Variants in PCDHGA1 observed in about 807,000 individuals in gnomAD.
PCDHGA1 encodes protocadherin gamma subfamily A, 1, also known as protocadherin gamma-A1.
In PCDHGA1, 32 loss-of-function variants were observed where a neutral mutation model predicts 58.0. The observed-to-expected ratio is 0.55, with a 90% CI of 0.42 to 0.74. The LOEUF is 0.74. Ranked by LOEUF, PCDHGA1 falls within the 30% of genes least tolerant of loss-of-function variation. The pLI is 0.00. For missense variants in PCDHGA1, 1,205 were observed against 1,182.3 expected, an observed-to-expected ratio of 1.02 and a Z score of -0.28; for synonymous variants, 498 against 501.1, an observed-to-expected ratio of 0.99 and a Z score of 0.08.
rs376466215 is a variant in PCDHGA1, at chr5:141,390,102, A to G, written c.2421+56997A>G. ...TAAATCCGAATCCGTGGTTCCCCCC[A>G]ACTACAGCGAGGGGACTTTGCCTTA... is the stretch of plus-strand genomic sequence containing the variant. On this transcript the variant is annotated intron_variant, in intron 1 of 3. Transcript: ENST00000517417. The G allele has an allele frequency of 4.3e-6, 7 of 1,613,886 alleles. No homozygotes were observed. The African/African-American group carries it at 6.7e-5, about 15-fold the overall frequency.
chr5:141,384,717 C>T (rs575459465), intron 1 of PCDHGA1: 3 of 1,614,166 alleles, frequency 1.9e-6, no homozygotes, highest in African/African-American at 2.7e-5. Flanking sequence ...GGCTGTCATA[C>T]CTCCTGCTTA....
Position 141,490,867 on chromosome 5 carries a change from C to G in PCDHGA1, c.2422-3940C>G. ...GGGGGTTCGAGACTCCGGCTCTCCC[C>G]CATTGCATGCCAACACATCTCTGCA... On this transcript the variant is annotated intron_variant, in intron 1 of 3. Coordinates refer to ENST00000517417, the MANE Select transcript of PCDHGA1 (RefSeq NM_018912.3). This position sits in a 1 kb window ranked among gnomAD's most constrained non-coding sequence, Gnocchi z 5.4. 6.2e-7 allele frequency: 1 copy of G among 1,613,912 alleles called. No individual in the cohort carries two copies. The highest frequency in any genetic ancestry group is 8.5e-7 in the Non-Finnish European group (1 of 1,179,936).
Position 141,422,468 on chromosome 5 carries a change from A to T in PCDHGA1, c.2422-72339A>T, listed in dbSNP as rs555211298. On this transcript the variant is annotated intron_variant, in intron 1 of 3. Transcript: ENST00000517417. ...ATAACAAGCAGAGTGCTGGACAGGG[A>T]GTTGGTCCAGAGCTACAATATAACG... 59 of 1,613,640 alleles carry T rather than the reference A, an allele frequency of 3.7e-5. No homozygotes were observed. In the South Asian group the frequency reaches 4.7e-4, roughly 13 times the overall value.
At chr5:141,481,524 A>G (rs186970700) in intron 1 of PCDHGA1, among the ~76,000 whole-genome samples, 4 of 152,240 alleles carry the variant, frequency 2.6e-5, no homozygotes, top group African/African-American at 9.6e-5. Flanking sequence ...CTCAGTAAAA[A>G]TCTAGAGATG....
intron 1 of PCDHGA1, chr5:141,352,437 G>C (rs754792200): frequency 6.2e-7 from 1 of 1,614,034 alleles, no homozygotes; most frequent in Non-Finnish European, 8.5e-7. Context: ...TTTCAAACCG[G>C]TCTCTGCTCC....
chr5:141,449,562 C>T (rs1374591292), intron 1 of PCDHGA1, among the ~76,000 whole-genome samples: 1 of 143,862 alleles, frequency 7.0e-6, no homozygotes, highest in East Asian at 2.0e-4. Context: ...GCACTCCAGC[C>T]TGGGCGACAG....
intron 1 of PCDHGA1, among the ~76,000 whole-genome samples, chr5:141,455,322 G>A (rs376682363): frequency 1.3e-5 from 2 of 152,134 alleles, no homozygotes; most frequent in East Asian, 3.9e-4. Context: ...TTTTGTGTGT[G>A]TGTTTGTGGT....
At chr5:141,416,832 A>T (rs2154546669) in intron 1 of PCDHGA1, 1 of 152,168 alleles carries the variant, frequency 6.6e-6, no homozygotes, top group East Asian at 1.9e-4. Context: ...GTTTCTCAAG[A>T]CCCTTATAAT....
intron 1 of PCDHGA1, chr5:141,345,918 G>A (rs555216092): frequency 6.2e-7 from 1 of 1,613,320 alleles, no homozygotes; most frequent in East Asian, 2.2e-5. Context: ...GGTGCGCACG[G>A]CGCGAGCCCT....
chr5:141,383,721 T>C lies in PCDHGA1; in HGVS notation c.2421+50616T>C, dbSNP rs990608432. The C allele has an allele frequency of 6.2e-6, 10 of 1,613,892 alleles. No individual in the cohort carries two copies. The South Asian group carries it at 6.6e-5, about 11-fold the overall frequency. On this transcript the variant is annotated intron_variant, in intron 1 of 3. Coordinates refer to ENST00000517417, the MANE Select transcript of PCDHGA1 (RefSeq NM_018912.3). ...CTATCGACCTGGACGAGGGAGTCAA[T>C]GGGGAAGTGACATATTCTTTTCGGA...
chr5:141,427,915 T>C lies in PCDHGA1; in HGVS notation c.2422-66892T>C, dbSNP rs779333176. ...GGCTCGCCCGCGCTCAGCGCCAACATGAGCCGGCGCATGTTGGTGGGCGAC... is the reference window on the plus strand; with the variant it reads ...GGCTCGCCCGCGCTCAGCGCCAACACGAGCCGGCGCATGTTGGTGGGCGAC... On this transcript the variant is annotated intron_variant, in intron 1 of 3. Transcript: ENST00000517417. The C allele has an allele frequency of 7.0e-6, 11 of 1,578,094 alleles. No individual in the cohort carries two copies. In the Admixed American group the frequency reaches 8.4e-5, roughly 12 times the overall value.
At chr5:141,345,144 G>C in intron 1 of PCDHGA1, 1 of 1,613,994 alleles carries the variant, frequency 6.2e-7, no homozygotes, top group Non-Finnish European at 8.5e-7. Context: ...TCTTATCGAC[G>C]TGCATGACCG....
At chr5:141,382,671 T>C in intron 1 of PCDHGA1, 1 of 434,850 alleles carries the variant, frequency 2.3e-6, no homozygotes, top group Non-Finnish European at 4.0e-6. Context: ...GCGCCGCTGT[T>C]CACCAACCAG....
chr5:141,414,776 T>G (rs766689016), intron 1 of PCDHGA1: 14 of 1,614,212 alleles, frequency 8.7e-6, no homozygotes, highest in Non-Finnish European at 1.1e-5. Context: ...GAGCTACAGA[T>G]GCAGGTGACA....
chr5:141,350,969 C>T lies in PCDHGA1; in HGVS notation c.2421+17864C>T, dbSNP rs745995257. 4.3e-6 allele frequency: 7 copies of T among 1,614,098 alleles called. No individual in the cohort carries two copies. The Admixed American group carries it at 1.2e-4, about 27-fold the overall frequency. On this transcript the variant is annotated intron_variant, in intron 1 of 3. Coordinates refer to ENST00000517417, the MANE Select transcript of PCDHGA1 (RefSeq NM_018912.3). ...AGTTACGGATGCCAATGATAATGCT[C>T]CCGTGTTTAGCCAGGAGGTATACAG...
At chr5:141,484,453 C>T (rs1212059469) in intron 1 of PCDHGA1, among the ~76,000 whole-genome samples, 1 of 152,160 alleles carries the variant, frequency 6.6e-6, no homozygotes. Flanking sequence ...TAATTGGCTA[C>T]GTTAATGTGT....
At chr5:141,351,687 A>T in intron 1 of PCDHGA1, 1 of 1,613,944 alleles carries the variant, frequency 6.2e-7, no homozygotes, top group East Asian at 2.2e-5. Context: ...TCCGACCCGG[A>T]TTTGGGACCC....
At chr5:141,392,930 G>A (rs568235859) in intron 1 of PCDHGA1, 2 of 1,613,790 alleles carry the variant, frequency 1.2e-6, no homozygotes, top group Non-Finnish European at 1.7e-6. Flanking sequence ...CAGAAGAGAC[G>A]GACAAAGGCT....
intron 1 of PCDHGA1, chr5:141,415,585 C>T: frequency 6.2e-7 from 1 of 1,613,900 alleles, no homozygotes; most frequent in Non-Finnish European, 8.5e-7. Context: ...TTCGAAGTTT[C>T]CTATAGAGGA....
Sources: allele counts gnomAD v4.1 joint callset (sites outside exome capture counted in the v4.1 genomes callset), GRCh38; gene constraint gnomAD v4.1.1; non-coding constraint Gnocchi (gnomAD v3.1); transcripts MANE v1.5; gene names NCBI Gene and HGNC (gene_info 2026-07-23, HGNC 2026-07-21).